Variants in STK32A observed in about 807,000 individuals in gnomAD.
The protein encoded by STK32A is serine/threonine kinase 32A, also known as serine/threonine-protein kinase 32A.
In STK32A, 41 loss-of-function variants were observed where a neutral mutation model predicts 53.2. That is an observed-to-expected ratio of 0.77 (90% CI 0.60 to 1.00). The LOEUF is 1.00. Ranked by LOEUF, STK32A falls within the 50% of genes least tolerant of loss-of-function variation. The pLI is 0.00. For synonymous variants in STK32A, 166 were observed against 162.8 expected, an observed-to-expected ratio of 1.02 and a Z score of -0.15; for missense variants, 458 against 485.8, an observed-to-expected ratio of 0.94 and a Z score of 0.54.
intron 5 of STK32A, among the ~76,000 whole-genome samples, chr5:147,341,526 A>G (rs188335866): frequency 6.6e-6 from 1 of 152,290 alleles, no homozygotes. Context: ...CCCAGGCTGG[A>G]GTGCAATGGC....
chr5:147,324,171 C>T, intron 5 of STK32A, 100 bp downstream of exon 5: 1 of 1,216,580 alleles, frequency 8.2e-7, no homozygotes, highest in Non-Finnish European at 1.1e-6. Flanking sequence ...CATTTAATCC[C>T]CGTTTAATTC....
At position 147,272,368 on chromosome 5, in the gene STK32A, C is replaced by T. The variant is rs1017502901; in HGVS notation, c.53-5756C>T. ...CTGGGATTACAGGCGTTAGCCACTG[C>T]ACTCAGCAATCACAGATAATTAAAC... On this transcript the variant is annotated intron_variant, in intron 2 of 12. Transcript: ENST00000397936. Among the ~76,000 whole-genome samples the T allele has an allele frequency of 7.2e-5, 11 of 152,308 alleles. No individual in the cohort carries two copies. In the South Asian group the frequency reaches 2.1e-3, roughly 29 times the overall value.
the STK32A span, chr5:147,397,795 C>T: frequency 2.5e-6 from 4 of 1,613,860 alleles, no homozygotes; most frequent in African/African-American, 1.3e-5. Flanking sequence ...AGATGACAAC[C>T]AGAGGAGCCC....
At chr5:147,375,847 T>C (rs928406253) in intron 11 of STK32A, 11 of 152,196 alleles carry the variant, frequency 7.2e-5, no homozygotes, top group African/African-American at 2.4e-4. Flanking sequence ...AAACACTCAG[T>C]AGGATTTTAT....
rs1757635775 is a variant in STK32A, at chr5:147,386,130, C to A, written c.*2147C>A. On this transcript the variant is annotated 3_prime_UTR_variant, in exon 13 of 13. Transcript: ENST00000397936. ...TTATTGTTACATAATTAAAAGCCAG[C>A]TCTTTTGTTGTTTGTTTGATTCCTT... 6.6e-6 allele frequency: 1 copy of A among 152,150 alleles called. No homozygotes were observed. The highest frequency in any genetic ancestry group is 1.5e-5 in the Non-Finnish European group (1 of 68,040). 9.4% of individuals were successfully genotyped at this position (152,150 alleles called of 1,614,324 possible).
rs1334214516 is a variant in STK32A, at chr5:147,278,198, G to C, written c.108+19G>C. On this transcript the variant is annotated intron_variant, in intron 3 of 12. Coordinates refer to ENST00000397936, the MANE Select transcript of STK32A (RefSeq NM_001112724.2). ...TGGGAAGGTGAGAACAAATTGAAAT[G>C]ATTAACCACCAGCAGGGTTATGTAG... 1 of 1,583,490 alleles carries C rather than the reference G, an allele frequency of 6.3e-7. No homozygotes were observed. Among genetic ancestry groups the C allele is most frequent in the Admixed American group, 1.8e-5 (1 of 55,832 alleles).
intron 2 of STK32A, among the ~76,000 whole-genome samples, chr5:147,253,931 C>T (rs1321357703): frequency 6.6e-6 from 1 of 152,146 alleles, no homozygotes; most frequent in Non-Finnish European, 1.5e-5. Flanking sequence ...AAAAATAATT[C>T]ACAGCAGAAA....
intron 3 of STK32A, among the ~76,000 whole-genome samples, 161 bp downstream of exon 3, chr5:147,278,340 T>G (rs1027928449): frequency 1.3e-5 from 2 of 152,242 alleles, no homozygotes; most frequent in African/African-American, 4.8e-5. Context: ...CACCACAGTT[T>G]AAGAAAAGCG....
intron 4 of STK32A, among the ~76,000 whole-genome samples, chr5:147,295,658 C>T (rs1010661560): frequency 1.3e-5 from 2 of 152,142 alleles, no homozygotes; most frequent in African/African-American, 4.8e-5. Flanking sequence ...ATAAATTTTA[C>T]ATACACATGA....
rs547458736 is a variant in STK32A at position 147,375,206 on chromosome 5, C to T, written c.1020C>T (p.Cys340=). ...LAKKEKDMRK[C]DSSQTCLLQE... The stretch of plus-strand genomic sequence containing the variant: ...AGAAGGAGAAGGATATGAGGAAATG[C>T]GATTCTTCTCAGGTAAGCAGGTCCC... Residue 340 remains cysteine (C), a synonymous_variant, in exon 11 of 13, where the codon TGC becomes TGT. Transcript: ENST00000397936. 6.7e-5 allele frequency: 108 copies of T among 1,610,276 alleles called. No homozygotes were observed. The highest frequency in any genetic ancestry group is 7.1e-5 in the Non-Finnish European group (84 of 1,178,344).
chr5:147,310,991 A>C (rs927554718), intron 4 of STK32A, among the ~76,000 whole-genome samples: 2 of 152,226 alleles, frequency 1.3e-5, no homozygotes, highest in African/African-American at 4.8e-5. Context: ...CAGAAAAATC[A>C]TCATAATATC....
rs1752018517 is a variant in STK32A at position 147,280,603 on chromosome 5, C to A, written c.260+1205C>A. ...CACAACTCCAGTGACCTGGGAATCC[C>A]ACCCCCATTCCCCACAGCAGCAGCA... On this transcript the variant is annotated intron_variant, in intron 4 of 12. Transcript: ENST00000397936. Among the ~76,000 whole-genome samples, 3 of 150,862 alleles carry A rather than the reference C, an allele frequency of 2.0e-5. No homozygotes were observed. In the South Asian group the frequency reaches 6.3e-4, roughly 32 times the overall value.
chr5:147,301,981 T>A (rs1753162101), intron 4 of STK32A, among the ~76,000 whole-genome samples: 1 of 152,220 alleles, frequency 6.6e-6, no homozygotes, highest in Non-Finnish European at 1.5e-5. Context: ...ATTCATCTTT[T>A]AAGGCCCCTT....
intron 8 of STK32A, among the ~76,000 whole-genome samples, chr5:147,363,212 A>C (rs930013928): frequency 2.6e-5 from 4 of 152,214 alleles, no homozygotes; most frequent in Non-Finnish European, 5.9e-5. Context: ...AATGGGAAAG[A>C]AGGAAGGGGC....
At position 147,370,747 on chromosome 5, in the gene STK32A, G is replaced by A. The variant is rs1041836239; in HGVS notation, c.754G>A (p.Glu252Lys). 8 of 1,611,766 alleles carry A rather than the reference G, an allele frequency of 5.0e-6. No homozygotes were observed. The East Asian group carries it at 6.7e-5, about 13-fold the overall frequency. Residue 252 changes from glutamate (E) to lysine (K), a missense_variant, in exon 9 of 13, where the codon GAA (glutamate) becomes AAA (lysine). Coordinates refer to ENST00000397936, the MANE Select transcript of STK32A (RefSeq NM_001112724.2). ...AACTTACCCTTCTGCCTGGTCACAG[G>A]AAATGGTGTCACTTCTTAAAAAGGT... ...VVTYPSAWSQ[E>K]MVSLLKKLLE...
Position 147,251,920 on chromosome 5 carries a change from G to A in STK32A, c.52+12234G>A, listed in dbSNP as rs575162638. On this transcript the variant is annotated intron_variant, in intron 2 of 12. Transcript: ENST00000397936. ...ATCCATGTATTTAACAATTCATTAT[G>A]AGCCAGGTGAAGTGGATCACACCTC... 2.6e-5 allele frequency among the ~76,000 whole-genome samples: 4 copies of A among 152,190 alleles called. No homozygotes were observed. The East Asian group carries it at 7.7e-4, about 29-fold the overall frequency.
intron 4 of STK32A, among the ~76,000 whole-genome samples, chr5:147,287,866 T>G (rs1022089819): frequency 2.6e-5 from 4 of 152,012 alleles, no homozygotes; most frequent in African/African-American, 9.7e-5. Flanking sequence ...TTTTTTTTTT[T>G]TAAGACCAGG....
intron 4 of STK32A, among the ~76,000 whole-genome samples, chr5:147,302,343 T>C (rs1257555232): frequency 6.6e-6 from 1 of 152,152 alleles, no homozygotes; most frequent in Non-Finnish European, 1.5e-5. Context: ...AGTACAAAGT[T>C]TGAGGACAAG....
At chr5:147,260,797 G>A (rs1754529304) in intron 2 of STK32A, among the ~76,000 whole-genome samples, 1 of 152,158 alleles carries the variant, frequency 6.6e-6, no homozygotes, top group Non-Finnish European at 1.5e-5. Context: ...AGGCAGCTAG[G>A]GAACCGCAGA....
Sources: allele counts gnomAD v4.1 joint callset (sites outside exome capture counted in the v4.1 genomes callset), GRCh38; gene constraint gnomAD v4.1.1; transcripts MANE v1.5; gene names NCBI Gene and HGNC (gene_info 2026-07-23, HGNC 2026-07-21).